TANGO6: variants seen among roughly 807,000 people sequenced by gnomAD.
TANGO6 encodes transport and Golgi organization protein 6 homolog.
In TANGO6, 90 loss-of-function variants were observed where a neutral mutation model predicts 114.2. The ratio of observed to expected loss-of-function variants is 0.79; its 90% CI spans 0.66 to 0.94. TANGO6 has a LOEUF of 0.94. Ranked by LOEUF, TANGO6 falls within the 40% of genes least tolerant of loss-of-function variation. The pLI, the probability that TANGO6 is intolerant of heterozygous loss-of-function variation, is 0.00. For missense variants in TANGO6, 1,274 were observed against 1,315.3 expected, an observed-to-expected ratio of 0.97 and a Z score of 0.49; for synonymous variants, 477 against 509.8, an observed-to-expected ratio of 0.94 and a Z score of 0.87.
At position 68,878,283 on chromosome 16, in the gene TANGO6, A is replaced by T; in HGVS notation, c.1294+3A>T. The T allele has an allele frequency of 2.5e-6, 4 of 1,593,652 alleles. No individual in the cohort carries two copies. The highest frequency in any genetic ancestry group is 3.4e-6 in the Non-Finnish European group (4 of 1,171,264). Reference sequence around the variant, plus strand: ...TCATCGATGTTTGAATACAGCAGGTAAAGGAGGAAGTGTGGTGGCTGTGTG... The same window carrying T: ...TCATCGATGTTTGAATACAGCAGGTTAAGGAGGAAGTGTGGTGGCTGTGTG... On this transcript the variant is annotated splice_donor_region_variant and intron_variant, in intron 6 of 17. Transcript: ENST00000261778.
At chr16:68,847,898 G>A (rs1261449942) in intron 1 of TANGO6, among the ~76,000 whole-genome samples, 1 of 151,406 alleles carries the variant, frequency 6.6e-6, no homozygotes, top group Non-Finnish European at 1.5e-5. Context: ...TACTCGGGAG[G>A]CTGAGGCAGG....
intron 14 of TANGO6, 135 bp downstream of exon 14, chr16:68,930,430 G>A (rs531223392): frequency 1.5e-6 from 1 of 673,730 alleles, no homozygotes; most frequent in East Asian, 2.7e-5. Flanking sequence ...TCCTAGCTAG[G>A]ACACTTTAAG....
At chr16:68,980,435 A>T (rs9922654) in intron 15 of TANGO6, among the ~76,000 whole-genome samples, 1,523 of 61,710 alleles carry the variant, frequency 0.025, 60 homozygotes, top group African/African-American at 0.05. Flanking sequence ...ATATATATAT[A>T]TTTTTTTTTT....
intron 4 of TANGO6, among the ~76,000 whole-genome samples, chr16:68,870,215 A>G (rs1962246623): frequency 6.6e-6 from 1 of 152,170 alleles, no homozygotes; most frequent in Non-Finnish European, 1.5e-5. Context: ...TTTGAGAGAT[A>G]TTTAAGGAGG....
chr16:68,843,831 G>A lies in TANGO6; in HGVS notation c.94+120G>A. 5.6e-6 allele frequency: 5 copies of A among 885,266 alleles called. No homozygotes were observed. The South Asian group carries it at 6.2e-5, about 11-fold the overall frequency. 54.8% of individuals were successfully genotyped at this position (885,266 alleles called of 1,614,324 possible). A position where few individuals can be genotyped will look rare whatever the true frequency, so the allele number is the denominator to read the frequency against. ...AGGCCCGCCTCGGGACCCTCCGCCC[G>A]CTGCTGGGGGCTTTGAGCATTGTCT... On this transcript the variant is annotated intron_variant, in intron 1 of 17. Coordinates refer to ENST00000261778, the MANE Select transcript of TANGO6 (RefSeq NM_024562.2).
intron 7 of TANGO6, among the ~76,000 whole-genome samples, chr16:68,893,742 A>AT (rs1399735822): frequency 6.6e-6 from 1 of 151,362 alleles, no homozygotes; most frequent in Non-Finnish European, 1.5e-5. Context: ...TCTCAAAAAA[A>AT]AAAAAGAAAA....
intron 17 of TANGO6, among the ~76,000 whole-genome samples, chr16:69,046,902 C>CT (rs1959867665): frequency 6.6e-6 from 1 of 152,012 alleles, no homozygotes; most frequent in Non-Finnish European, 1.5e-5. Flanking sequence ...TTAGGCCAGG[C>CT]GTGGTGGCTC....
At chr16:69,050,578 CT>C (rs1959933112) in intron 17 of TANGO6, among the ~76,000 whole-genome samples, 1 of 151,922 alleles carries the variant, frequency 6.6e-6, no homozygotes, top group African/African-American at 2.4e-5. Context: ...CAACCTCCGC[CT>C]CCCGGGTTCA....
intron 9 of TANGO6, among the ~76,000 whole-genome samples, chr16:68,904,953 T>C (rs1962830500): frequency 6.6e-6 from 1 of 152,134 alleles, no homozygotes; most frequent in Non-Finnish European, 1.5e-5. Flanking sequence ...CCAGGCGCAG[T>C]GGCTCATGCC....
intron 1 of TANGO6, among the ~76,000 whole-genome samples, chr16:68,853,009 A>G (rs1417918733): frequency 3.9e-5 from 6 of 152,182 alleles, no homozygotes; most frequent in Non-Finnish European, 8.8e-5. Context: ...TAAGTTGCAG[A>G]TATCAGTACA....
rs576553507 is a variant in TANGO6, at chr16:68,945,469, C to T, written c.2701+15174C>T. Among the ~76,000 whole-genome samples, 5 of 152,178 alleles carry T rather than the reference C, an allele frequency of 3.3e-5. No individual in the cohort carries two copies. The South Asian group carries it at 6.2e-4, about 19-fold the overall frequency. On this transcript the variant is annotated intron_variant, in intron 14 of 17. Coordinates refer to ENST00000261778, the MANE Select transcript of TANGO6 (RefSeq NM_024562.2). ...TTTTGGGGCAATATTATGTGCACTG[C>T]GTGCTTTGTTTCCCTGGCCTCTCAA... is the stretch of plus-strand genomic sequence containing the variant.
At chr16:68,921,041 T>C (rs1963084273) in intron 12 of TANGO6, among the ~76,000 whole-genome samples, 1 of 144,062 alleles carries the variant, frequency 6.9e-6, no homozygotes, top group Non-Finnish European at 1.5e-5. Context: ...AGGCGGAGGT[T>C]GCAGTGGGCG....
chr16:68,938,899 A>G (rs1963323397), intron 14 of TANGO6, among the ~76,000 whole-genome samples: 1 of 151,936 alleles, frequency 6.6e-6, no homozygotes, highest in African/African-American at 2.4e-5. Context: ...CATTATAAAG[A>G]TTAAACAAGC....
chr16:69,018,912 A>AAAAT (rs542946143), intron 15 of TANGO6, among the ~76,000 whole-genome samples: 29 of 152,262 alleles, frequency 1.9e-4, no homozygotes, highest in South Asian at 4.1e-4. Flanking sequence ...TCCGTCTCAA[A>AAAAT]AAATAAATAA....
At chr16:69,001,405 C>A (rs1964041253) in intron 15 of TANGO6, among the ~76,000 whole-genome samples, 1 of 152,142 alleles carries the variant, frequency 6.6e-6, no homozygotes, top group Admixed American at 6.5e-5. Context: ...ATTAGTCATG[C>A]ACACTAAAAG....
At chr16:69,024,352 C>T (rs1468076806) in intron 16 of TANGO6, among the ~76,000 whole-genome samples, 2 of 151,912 alleles carry the variant, frequency 1.3e-5, no homozygotes, top group Non-Finnish European at 2.9e-5. Context: ...CTGCAACCTC[C>T]GCCTCCCGGG....
At chr16:69,066,856 A>C (rs72789222) in intron 17 of TANGO6, among the ~76,000 whole-genome samples, 13,369 of 152,098 alleles carry the variant, frequency 0.088, 655 homozygotes, top group South Asian at 0.18. Flanking sequence ...AGTTTAAGAC[A>C]AGCCTCGGCA....
chr16:69,012,082 G>T (rs1416588679), intron 15 of TANGO6, among the ~76,000 whole-genome samples: 1 of 152,190 alleles, frequency 6.6e-6, no homozygotes, highest in Non-Finnish European at 1.5e-5. Flanking sequence ...CAATAAGGTT[G>T]ATTGGTGCTG....
chr16:68,863,121 C>T, intron 3 of TANGO6, 60 bp downstream of exon 3: 2 of 1,047,040 alleles, frequency 1.9e-6, no homozygotes, highest in Non-Finnish European at 1.3e-6. Flanking sequence ...GGTTTGCTGT[C>T]TTCTTCTGGA....
Sources: gnomAD v4.1 joint callset for allele counts (sites outside exome capture counted in the v4.1 genomes callset) on GRCh38, gnomAD v4.1.1 for gene constraint, MANE v1.5 for transcripts, NCBI Gene and HGNC (gene_info 2026-07-23, HGNC 2026-07-21) for gene names.